Variants in FNTB observed in about 807,000 individuals in gnomAD.
FNTB encodes the protein farnesyltransferase, CAAX box, subunit beta.
Under a neutral mutation model 59.4 loss-of-function variants are expected in FNTB, and 27 were observed. The observed-to-expected ratio is 0.45, with a 90% confidence interval of 0.34 to 0.63. The LOEUF (loss-of-function observed/expected upper bound fraction) is 0.63, where lower values mean the gene tolerates loss of function less well. Among genes scored for constraint, FNTB ranks in the 20% least tolerant of loss-of-function variants. FNTB has a pLI of 0.02. For synonymous variants in FNTB, 230 were observed against 220.7 expected (o/e 1.04, Z -0.37); for missense variants, 449 against 559.6 (o/e 0.80, Z 1.99).
In FNTB at chr14:65,012,464, A is replaced by G; in HGVS notation, c.282+75A>G. The G allele has an allele frequency of 3.8e-6, 6 of 1,585,694 alleles. No homozygotes were observed. The highest frequency in any genetic ancestry group is 4.3e-6 in the Non-Finnish European group (5 of 1,159,872). On this transcript the variant is annotated intron_variant, in intron 3 of 11. Transcript: ENST00000246166. This position sits in a 1 kb window ranked among gnomAD's most constrained non-coding sequence, Gnocchi z 5.0. ...TCCTCCTTTTTCTATTTAAACGTAA[A>G]AGACTGTTGGGGCTGACCTGTTGCA...
chr14:65,035,092 T>C (rs534691513), intron 7 of FNTB, among the ~76,000 whole-genome samples: 32 of 152,220 alleles, frequency 2.1e-4, no homozygotes, highest in Non-Finnish European at 3.7e-4. Flanking sequence ...ATTTTTCTTC[T>C]TTGACTTTCC....
chr14:65,016,919 G>GGTT (rs2061784465), intron 4 of FNTB, among the ~76,000 whole-genome samples: 2 of 121,140 alleles, frequency 1.7e-5, no homozygotes, highest in African/African-American at 6.4e-5. Flanking sequence ...AGGCCCACGT[G>GGTT]GTTTTTTTTT....
intron 7 of FNTB, among the ~76,000 whole-genome samples, chr14:65,040,283 G>GTATATATATATATGTATATATATGTGTA (rs1566565358): frequency 4.8e-5 from 7 of 147,014 alleles, no homozygotes; most frequent in African/African-American, 1.5e-4. Context: ...ATATATGTGT[G>GTATATATATATATGTATATATATGTGTA]TATATATATA....
chr14:65,058,308 T>C (rs2062787801), intron 11 of FNTB, among the ~76,000 whole-genome samples: 1 of 152,140 alleles, frequency 6.6e-6, no homozygotes, highest in African/African-American at 2.4e-5. Flanking sequence ...TCATGTCTCT[T>C]GTGACTGGAA....
At chr14:65,015,507 G>A (rs1414800493) in intron 3 of FNTB, 118 bp from the exon 4 acceptor site, 1 of 799,726 alleles carries the variant, frequency 1.3e-6, no homozygotes, top group South Asian at 2.4e-5. Flanking sequence ...TGTTGTTTGA[G>A]CAAGGGTGCC....
At chr14:65,020,590 C>T (rs1353174987) in intron 4 of FNTB, among the ~76,000 whole-genome samples, 1 of 151,906 alleles carries the variant, frequency 6.6e-6, no homozygotes, top group Non-Finnish European at 1.5e-5. Flanking sequence ...GGAGCCACCA[C>T]ACCCGGCTAA....
intron 11 of FNTB, among the ~76,000 whole-genome samples, chr14:65,058,379 T>A (rs1041946366): frequency 2.6e-5 from 4 of 152,158 alleles, no homozygotes; most frequent in Non-Finnish European, 5.9e-5. Flanking sequence ...GCTAATAATA[T>A]TTATAAATCT....
chr14:65,021,990 C>T, intron 4 of FNTB: 1 of 456,020 alleles, frequency 2.2e-6, no homozygotes, highest in Non-Finnish European at 4.4e-6. Flanking sequence ...AGAACAGCAG[C>T]CATCCAGAGA....
chr14:65,006,173 T>TG (rs56964460), intron 2 of FNTB: 4 of 1,598,444 alleles, frequency 2.5e-6, no homozygotes, highest in Middle Eastern at 1.7e-4. Context: ...TTTTTTTTTT[T>TG]GCCACCATTT....
intron 9 of FNTB, among the ~76,000 whole-genome samples, chr14:65,046,963 A>G (rs949885874): frequency 6.6e-6 from 1 of 152,232 alleles, no homozygotes; most frequent in South Asian, 2.1e-4. Context: ...CAAAACAAGC[A>G]AAAAGGTGCG....
intron 9 of FNTB, 135 bp from the exon 10 acceptor site, chr14:65,053,103 A>T: frequency 1.8e-6 from 1 of 551,212 alleles, no homozygotes; most frequent in Non-Finnish European, 2.8e-6. Flanking sequence ...GGAAGATAGC[A>T]GTTGTACCAA....
intron 11 of FNTB, among the ~76,000 whole-genome samples, chr14:65,059,888 C>T (rs538729931): frequency 4.2e-5 from 6 of 141,454 alleles, no homozygotes; most frequent in African/African-American, 1.7e-4. Context: ...GGTTAGAGTG[C>T]AGTGGCACAA....
rs1307064908 is a variant in FNTB at position 64,994,366 on chromosome 14, G to A, written c.144+7269G>A. 6.6e-6 allele frequency among the ~76,000 whole-genome samples: 1 copy of A among 152,122 alleles called. No homozygotes were observed. Among genetic ancestry groups the A allele is most frequent in the Non-Finnish European group, 1.5e-5 (1 of 68,028 alleles). On this transcript the variant is annotated intron_variant, in intron 1 of 11. Coordinates refer to ENST00000246166, the MANE Select transcript of FNTB (RefSeq NM_002028.4). This position sits in a 1 kb window ranked among gnomAD's most constrained non-coding sequence, Gnocchi z 4.2. ...AACAATACAAACTAATATACATATAGTTATGTATCACTTAACAGTAGAAAT... is the reference window on the plus strand; with the variant it reads ...AACAATACAAACTAATATACATATAATTATGTATCACTTAACAGTAGAAAT...
intron 1 of FNTB, among the ~76,000 whole-genome samples, 181 bp from the exon 2 acceptor site, chr14:65,004,068 G>A (rs568921294): frequency 2.1e-4 from 32 of 152,260 alleles, no homozygotes; most frequent in Non-Finnish European, 4.0e-4. Context: ...ATGGTACAGG[G>A]GATTCCCTCT....
At chr14:65,015,569 C>T (rs750592635) in intron 3 of FNTB, 56 bp from the exon 4 acceptor site, 3 of 1,589,692 alleles carry the variant, frequency 1.9e-6, no homozygotes, top group East Asian at 2.2e-5. Context: ...GCCTTGGCAG[C>T]AGTGTCTTGG....
chr14:65,008,080 C>A (rs755734863), intron 2 of FNTB, among the ~76,000 whole-genome samples: 1 of 152,178 alleles, frequency 6.6e-6, no homozygotes, highest in Non-Finnish European at 1.5e-5. Flanking sequence ...AGGATGTATT[C>A]CCTTCTTACT....
chr14:65,010,244 G>C (rs2061662448), intron 2 of FNTB, among the ~76,000 whole-genome samples: 1 of 152,020 alleles, frequency 6.6e-6, no homozygotes, highest in African/African-American at 2.4e-5. Flanking sequence ...TCCTTCACTG[G>C]CTCCTCCAAA....
At chr14:65,002,940 A>G (rs2061537881) in intron 1 of FNTB, among the ~76,000 whole-genome samples, 1 of 152,198 alleles carries the variant, frequency 6.6e-6, no homozygotes, top group South Asian at 2.1e-4. Flanking sequence ...CAAAAGTCTT[A>G]TGATTCTAAT....
chr14:65,025,406 T>G (rs758120844), intron 4 of FNTB, among the ~76,000 whole-genome samples: 16 of 152,232 alleles, frequency 1.1e-4, no homozygotes, highest in Admixed American at 3.9e-4. Context: ...GCAGCCAGCC[T>G]TTGTTAGGGC....
Sources: allele counts gnomAD v4.1 joint callset (sites outside exome capture counted in the v4.1 genomes callset), GRCh38; gene constraint gnomAD v4.1.1; non-coding constraint Gnocchi (gnomAD v3.1); transcripts MANE v1.5; gene names NCBI Gene and HGNC (gene_info 2026-07-23, HGNC 2026-07-21).